POLR1B: variants seen among roughly 807,000 people sequenced by gnomAD.
The protein encoded by POLR1B is DNA-directed RNA polymerase I subunit RPA2.
Under a neutral mutation model 105.8 loss-of-function variants are expected in POLR1B, and 30 were observed. That is an observed-to-expected ratio of 0.28 (90% CI 0.21 to 0.38). POLR1B has a LOEUF of 0.38. POLR1B is among the 10% of genes least tolerant of loss of function. The pLI is 1.00. For missense variants in POLR1B, 976 were observed against 1,435.8 expected (o/e 0.68, Z 5.17); for synonymous variants, 485 against 505.1 (o/e 0.96, Z 0.53).
chr2:112,551,852 C>T lies in POLR1B; in HGVS notation c.840C>T (p.Asn280=). The T allele has an allele frequency of 2.5e-6, 4 of 1,614,116 alleles. No homozygotes were observed. The highest frequency in any genetic ancestry group is 3.4e-6 in the Non-Finnish European group (4 of 1,179,966). The part of the protein sequence containing the change: ...KGKEDDSFLR[N]SVSQMLRIVM... ...AAGAGGATGATTCTTTCCTTAGGAA[C>T]TCTGTTTCTCAGATGTTAAGGATTG... Residue 280 remains asparagine (N), a synonymous_variant, in exon 6 of 15, where the codon AAC becomes AAT. Coordinates refer to ENST00000263331, the MANE Select transcript of POLR1B (RefSeq NM_019014.6).
At chr2:112,559,636 GT>G (rs1683860187) in intron 9 of POLR1B, 62 bp downstream of exon 9, 1 of 1,552,040 alleles carries the variant, frequency 6.4e-7, no homozygotes, top group Non-Finnish European at 8.8e-7. Flanking sequence ...TGTTCTTTTT[GT>G]TTGTTTGTTT....
intron 12 of POLR1B, among the ~76,000 whole-genome samples, chr2:112,570,707 T>C (rs1253488841): frequency 1.3e-5 from 2 of 152,172 alleles, no homozygotes; most frequent in Non-Finnish European, 2.9e-5. Context: ...CCATCCTGCA[T>C]TGACTAAAAC....
In POLR1B at chr2:112,546,983, G is replaced by A. The variant is rs999196125; in HGVS notation, c.178-29G>A. ...GAGAAAAAATGCCTTGGAAATGCAA[G>A]CAATTTAATAGTGTGAATTGCATTT... On this transcript the variant is annotated intron_variant, in intron 1 of 14. Coordinates refer to ENST00000263331, the MANE Select transcript of POLR1B (RefSeq NM_019014.6). 7 of 1,606,710 alleles carry A rather than the reference G, an allele frequency of 4.4e-6. No homozygotes were observed. In the African/African-American group the frequency reaches 5.4e-5, roughly 12 times the overall value.
intron 9 of POLR1B, among the ~76,000 whole-genome samples, chr2:112,561,749 TA>T (rs1421002597): frequency 6.6e-6 from 1 of 152,200 alleles, no homozygotes; most frequent in Non-Finnish European, 1.5e-5. Context: ...GTTTTTCTGT[TA>T]GGCACATCAC....
chr2:112,564,629 C>CA, intron 10 of POLR1B, 130 bp downstream of exon 10: 1 of 1,221,870 alleles, frequency 8.2e-7, no homozygotes, highest in Non-Finnish European at 1.2e-6. Flanking sequence ...GTCCAGAATG[C>CA]CTGTGCATTC....
intron 7 of POLR1B, among the ~76,000 whole-genome samples, chr2:112,557,068 A>G (rs893842356): frequency 2.0e-5 from 3 of 152,124 alleles, no homozygotes; most frequent in African/African-American, 7.2e-5. Flanking sequence ...GGATTGCTTG[A>G]GCCCAGGAGT....
intron 3 of POLR1B, among the ~76,000 whole-genome samples, chr2:112,547,814 T>G (rs1213308019): frequency 6.6e-6 from 1 of 152,080 alleles, no homozygotes; most frequent in East Asian, 1.9e-4. Context: ...TCCCTAATTT[T>G]CTGAATGATA....
chr2:112,569,930 C>G (rs1374509884), intron 12 of POLR1B, among the ~76,000 whole-genome samples: 1 of 151,996 alleles, frequency 6.6e-6, no homozygotes. Flanking sequence ...AACATTGCTC[C>G]TATCCTTTTC....
intron 3 of POLR1B, 119 bp from the exon 4 acceptor site, chr2:112,549,136 GGGATCAGTAGTA>G: frequency 1.0e-6 from 1 of 977,698 alleles, no homozygotes. Context: ...CTGTTTTCAA[GGGATCAGTAGTA>G]CATTTCACCT....
chr2:112,576,028 C>G lies in POLR1B; in HGVS notation c.*299C>G, dbSNP rs1031797786. ...TTTCCAACCCCAGGTTCCCTACACCCTGCTCTCAGCAGGCAGTGAGTGTCA... is the reference window on the plus strand; with the variant it reads ...TTTCCAACCCCAGGTTCCCTACACCGTGCTCTCAGCAGGCAGTGAGTGTCA... On this transcript the variant is annotated 3_prime_UTR_variant, in exon 15 of 15. Transcript: ENST00000263331. The G allele has an allele frequency of 3.8e-5, 14 of 366,700 alleles. No individual in the cohort carries two copies. Among genetic ancestry groups the G allele is most frequent in the Admixed American group, 1.3e-4 (3 of 22,856 alleles). The allele number at this position is 366,700 out of a possible 1,614,324, so 22.7% of individuals were successfully genotyped here. A position where few individuals can be genotyped will look rare whatever the true frequency, so the allele number is the denominator to read the frequency against.
chr2:112,556,846 A>G (rs966751105), intron 7 of POLR1B, among the ~76,000 whole-genome samples: 6 of 152,198 alleles, frequency 3.9e-5, no homozygotes, highest in African/African-American at 9.7e-5. Context: ...AACTGTACAT[A>G]TTTATCGGGT....
chr2:112,568,117 C>G lies in POLR1B; in HGVS notation c.1897C>G (p.Leu633Val), dbSNP rs759757746. 1 of 1,613,858 alleles carries G rather than the reference C, an allele frequency of 6.2e-7. No homozygotes were observed. Among genetic ancestry groups the G allele is most frequent in the Non-Finnish European group, 8.5e-7 (1 of 1,179,810 alleles). ...GAACTTAGCATTGGGCAAAGAAGAGCTAATTGGAACTATGGAACAGGTAAA... is the reference window on the plus strand; with the variant it reads ...GAACTTAGCATTGGGCAAAGAAGAGGTAATTGGAACTATGGAACAGGTAAA... ...VQNLALGKEELIGTMEQIFMN... is the reference protein window; with the variant it reads ...VQNLALGKEEVIGTMEQIFMN... Residue 633 changes from leucine to valine, a missense_variant, in exon 11 of 15, where the codon CTA becomes GTA. By Grantham distance (32) the Leu-to-Val change is conservative. This residue lies in a region of POLR1B where 184 missense variants were observed against 197.4 expected (regional missense o/e 0.93). Transcript: ENST00000263331.
rs1215301172 is a variant in POLR1B at position 112,568,787 on chromosome 2, T to C, written c.1959T>C (p.Ala653=). ...CTATCTTTGAGGATGAAGTTTTTGC[T>C]GGAGTTACCACACACCAGGAACTCT... ...NVAIFEDEVF[A]GVTTHQELFP... is the part of the protein sequence containing the mutation. Residue 653 remains alanine, a synonymous_variant, in exon 12 of 15, where the codon GCT becomes GCC. Transcript: ENST00000263331. The C allele has an allele frequency of 1.9e-6, 3 of 1,614,044 alleles. No homozygotes were observed. Among genetic ancestry groups the C allele is most frequent in the Non-Finnish European group, 2.5e-6 (3 of 1,180,018 alleles).
chr2:112,547,355 A>G lies in POLR1B; in HGVS notation c.346-66A>G, dbSNP rs1030695634. On this transcript the variant is annotated intron_variant, in intron 2 of 14. Transcript: ENST00000263331. The stretch of plus-strand genomic sequence containing the variant: ...TGATCTTCTTCCTCAGTCTTTGAAA[A>G]TACTCATTTGTTCTCGTAAATGCAG... 4 of 1,542,506 alleles carry G rather than the reference A, an allele frequency of 2.6e-6. No homozygotes were observed. The Admixed American group carries it at 7.2e-5, about 28-fold the overall frequency.
At chr2:112,551,438 G>A (rs1269255783) in intron 5 of POLR1B, among the ~76,000 whole-genome samples, 3 of 152,222 alleles carry the variant, frequency 2.0e-5, no homozygotes, top group Non-Finnish European at 4.4e-5. Flanking sequence ...AGCAGAAGAT[G>A]CAGAAGGAAA....
In POLR1B at chr2:112,574,913, C is replaced by G. The variant is rs757875202; in HGVS notation, c.2592C>G (p.Phe864Leu). The change falls in exon 15 of 15, where the codon TTC becomes TTG. Residue 864 changes from phenylalanine to leucine, a missense_variant. Phe to Leu is a conservative substitution (Grantham distance 22, BLOSUM62 0). This residue lies in a region of POLR1B where 119 missense variants were observed against 149.7 expected (regional missense o/e 0.79). Transcript: ENST00000263331. The part of the protein sequence containing the change: ...VCSNDTGSGK[F>L]KCVCITMRVP... Reference sequence around the variant, plus strand: ...GTAATGACACTGGGAGTGGAAAATTCAAGTGTGTTTGCATCACTATGAGAG... The same window carrying G: ...GTAATGACACTGGGAGTGGAAAATTGAAGTGTGTTTGCATCACTATGAGAG... The G allele has an allele frequency of 6.2e-7, 1 of 1,614,026 alleles. No individual in the cohort carries two copies. Among genetic ancestry groups the G allele is most frequent in the Non-Finnish European group, 8.5e-7 (1 of 1,180,004 alleles).
At position 112,578,097 on chromosome 2, in the gene POLR1B, T is replaced by A. The variant is rs1022303097; in HGVS notation, c.*2368T>A. 1.3e-5 allele frequency among the ~76,000 whole-genome samples: 2 copies of A among 152,144 alleles called. No homozygotes were observed. The highest frequency in any genetic ancestry group is 6.5e-5 in the Admixed American group (1 of 15,276). ...GCACTAAAAACATTCCCAAAAAAAA[T>A]GTTTTTTAGCTTTTTAACTGTAGAT... On this transcript the variant is annotated 3_prime_UTR_variant, in exon 15 of 15. Transcript: ENST00000263331.
At chr2:112,559,266 T>C (rs765642346) in intron 8 of POLR1B, 27 bp from the exon 9 acceptor site, 3 of 1,607,510 alleles carry the variant, frequency 1.9e-6, no homozygotes, top group Non-Finnish European at 2.6e-6. Flanking sequence ...GATTGGCCCA[T>C]TTTTGAATGA....
In POLR1B at chr2:112,547,554, A is replaced by G. The variant is rs1476319191; in HGVS notation, c.479A>G (p.His160Arg). ...NLPPQALIEH[H>R]EEAEEMGGYF... ...CCCCCACAAGCCCTCATTGAGCACC[A>G]TGAGGAGGCAGAGGTAATGACGGGC... The change falls in exon 3 of 15, where the codon CAT becomes CGT. Residue 160 changes from histidine (H) to arginine (R), a missense_variant. This residue lies in a region of POLR1B where 452 missense variants were observed against 616.5 expected (regional missense o/e 0.73). Coordinates refer to ENST00000263331, the MANE Select transcript of POLR1B (RefSeq NM_019014.6). The G allele has an allele frequency of 6.2e-7, 1 of 1,614,114 alleles. No homozygotes were observed. The highest frequency in any genetic ancestry group is 8.5e-7 in the Non-Finnish European group (1 of 1,180,008).
Sources: allele counts gnomAD v4.1 joint callset (sites outside exome capture counted in the v4.1 genomes callset), GRCh38; gene constraint gnomAD v4.1.1; regional missense constraint gnomAD v4.1.1; transcripts MANE v1.5; gene names NCBI Gene and HGNC (gene_info 2026-07-23, HGNC 2026-07-21).